Variants in FGFR2 observed in about 807,000 individuals in gnomAD.
The protein encoded by FGFR2 is fibroblast growth factor receptor 2.
In FGFR2, 19 loss-of-function variants were observed where a neutral mutation model predicts 95.9. The ratio of observed to expected loss-of-function variants is 0.20; its 90% CI spans 0.14 to 0.29. The LOEUF (loss-of-function observed/expected upper bound fraction) is 0.29. Among genes scored for constraint, FGFR2 ranks in the 10% least tolerant of loss-of-function variants. The probability of loss-of-function intolerance (pLI) is 1.00; values close to 1 mark genes in which losing one functional copy is unlikely to be tolerated. For synonymous variants in FGFR2, 392 were observed against 393.3 expected (o/e 1.00, Z 0.04); for missense variants, 707 against 1,056.9 (o/e 0.67, Z 4.59).
chr10:121,485,401 T>C lies in FGFR2; in HGVS notation c.2189A>G (p.Asn730Ser), dbSNP rs200453002. The C allele has an allele frequency of 9.3e-6, 15 of 1,614,050 alleles. No individual in the cohort carries two copies. Among genetic ancestry groups the C allele is most frequent in the Admixed American group, 3.3e-5 (2 of 60,022 alleles). Residue 730 changes from asparagine (N) to serine (S), a missense_variant, in exon 16 of 18, where the codon AAC becomes AGC. By Grantham distance (46) the Asn-to-Ser change is conservative. This residue lies in a region of FGFR2 where 104 missense variants were observed against 214.2 expected (regional missense o/e 0.49). Coordinates refer to ENST00000358487, the MANE Select transcript of FGFR2 (RefSeq NM_000141.5). The surrounding 1 kb of genome is among the most constrained non-coding windows in gnomAD (Gnocchi z 4.2). ...GAAAGACAACAGCCCTTACAGTTCG[T>C]TGGTGCAGTTGGCTGGCTTATCCAT... is the stretch of plus-strand genomic sequence containing the variant. ...HRMDKPANCTNELYMMMRDCW... is the reference protein window; with the variant it reads ...HRMDKPANCTSELYMMMRDCW...
rs1845259995 is a variant in FGFR2 at position 121,485,264 on chromosome 10, G to A, written c.2195+131C>T. ...GTATCCCAGCTCTGGATTGAGCCCA[G>A]AGAGCTTCAGCCATTCTTCTTAGAG... is the stretch of plus-strand genomic sequence containing the variant. On this transcript the variant is annotated intron_variant, in intron 16 of 17. Coordinates refer to ENST00000358487, the MANE Select transcript of FGFR2 (RefSeq NM_000141.5). This position sits in a 1 kb window ranked among gnomAD's most constrained non-coding sequence, Gnocchi z 4.2. 4.9e-6 allele frequency: 6 copies of A among 1,235,186 alleles called. No individual in the cohort carries two copies. In the South Asian group the frequency reaches 7.3e-5, roughly 15 times the overall value. 76.5% of individuals were successfully genotyped at this position (1,235,186 alleles called of 1,614,324 possible).
At chr10:121,585,018 C>G (rs1317271830) in intron 2 of FGFR2, among the ~76,000 whole-genome samples, 1 of 152,102 alleles carries the variant, frequency 6.6e-6, no homozygotes. Flanking sequence ...TGTTCTTCGC[C>G]GGGCCTAATG....
chr10:121,581,560 A>AGAAC (rs1387592144), intron 2 of FGFR2, among the ~76,000 whole-genome samples: 2 of 146,728 alleles, frequency 1.4e-5, no homozygotes, highest in Non-Finnish European at 3.0e-5. Flanking sequence ...GCAACAAGTG[A>AGAAC]GAACCCATCT....
chr10:121,524,143 CA>C (rs1211317442), intron 6 of FGFR2, among the ~76,000 whole-genome samples: 3,419 of 143,118 alleles, frequency 0.024, 85 homozygotes, highest in African/African-American at 0.064. Flanking sequence ...CACACACACA[CA>C]CACCCCAAGT....
At chr10:121,576,129 G>T (rs182786552) in intron 2 of FGFR2, among the ~76,000 whole-genome samples, 2 of 152,296 alleles carry the variant, frequency 1.3e-5, no homozygotes, top group Admixed American at 6.5e-5. Context: ...GGAGGTTGCC[G>T]TGAGCCGAGA....
chr10:121,496,696 C>T lies in FGFR2; in HGVS notation c.1699G>A (p.Ala567Thr), dbSNP rs951260912. The T allele has an allele frequency of 1.2e-5, 20 of 1,611,706 alleles. No homozygotes were observed. The highest frequency in any genetic ancestry group is 1.5e-5 in the Non-Finnish European group (18 of 1,179,878). The change falls in exon 13 of 18, where the codon GCC becomes ACC. Residue 567 changes from alanine (A) to threonine (T), a missense_variant. By Grantham distance (58) the Ala-to-Thr change is moderately conservative. Coordinates refer to ENST00000358487, the MANE Select transcript of FGFR2 (RefSeq NM_000141.5). The stretch of plus-strand genomic sequence containing the variant: ...TATTCTCGGAGGTTGCCTTTAGAGG[C>T]ATACTCAACTATGACATAGAGAGGC... ...DGPLYVIVEY[A>T]SKGNLREYLR...
At chr10:121,549,860 C>G (rs1855109988) in intron 5 of FGFR2, among the ~76,000 whole-genome samples, 1 of 152,188 alleles carries the variant, frequency 6.6e-6, no homozygotes, top group South Asian at 2.1e-4. Flanking sequence ...TGTGAGACAG[C>G]TGGAGATGGA....
Position 121,593,558 on chromosome 10 carries a change from C to G in FGFR2, c.109+151G>C. 5 of 718,724 alleles carry G rather than the reference C, an allele frequency of 7.0e-6. 1 individual carries two copies. In the South Asian group the frequency reaches 7.8e-5, roughly 11 times the overall value. 44.5% of individuals were successfully genotyped at this position (718,724 alleles called of 1,614,324 possible). ...GCGGCAAAGGACCTTCTCTCATCAG[C>G]TCTGCCTTGCCGGGAGCCAAGAGAC... On this transcript the variant is annotated intron_variant, in intron 2 of 17. Transcript: ENST00000358487.
intron 3 of FGFR2, among the ~76,000 whole-genome samples, chr10:121,564,939 C>T (rs1441911737): frequency 6.6e-6 from 1 of 152,136 alleles, no homozygotes; most frequent in Admixed American, 6.5e-5. Flanking sequence ...TATGCGGGGT[C>T]TCCTTGAAGA....
rs545823844 is a variant in FGFR2 at position 121,575,524 on chromosome 10, C to G, written c.110-9820G>C. 4.6e-5 allele frequency among the ~76,000 whole-genome samples: 7 copies of G among 152,266 alleles called. No homozygotes were observed. In the East Asian group the frequency reaches 1.2e-3, roughly 25 times the overall value. On this transcript the variant is annotated intron_variant, in intron 2 of 17. Transcript: ENST00000358487. ...TGAATCAGTACTGTGTGCATAAACT[C>G]CTAGATATGGGCAGCTTTGCTTGCA...
rs768112982 is a variant in FGFR2 at position 121,496,726 on chromosome 10, T to C, written c.1673-4A>G. 5.0e-6 allele frequency: 8 copies of C among 1,611,628 alleles called. No individual in the cohort carries two copies. The highest frequency in any genetic ancestry group is 4.0e-5 in the African/African-American group (3 of 74,748). Reference sequence around the variant, plus strand: ...TCAACTATGACATAGAGAGGCCCTGTTGAGGAAGAAGAGAAGCTCCCTAAA... The same window carrying C: ...TCAACTATGACATAGAGAGGCCCTGCTGAGGAAGAAGAGAAGCTCCCTAAA... On this transcript the variant is annotated splice_region_variant and splice_polypyrimidine_tract_variant and intron_variant, in intron 12 of 17. Transcript: ENST00000358487.
At chr10:121,571,324 G>A (rs548974483) in intron 2 of FGFR2, among the ~76,000 whole-genome samples, 3 of 87,586 alleles carry the variant, frequency 3.4e-5, no homozygotes, top group Non-Finnish European at 6.4e-5. Context: ...TTTTTGAGAC[G>A]GAGTCTCGCT....
chr10:121,534,091 CTTT>C (rs1022674124), intron 6 of FGFR2, among the ~76,000 whole-genome samples: 43 of 92,086 alleles, frequency 4.7e-4, no homozygotes, highest in South Asian at 3.0e-3. Context: ...CCCAAAATGG[CTTT>C]TTTTTTTTTT....
In FGFR2 at chr10:121,546,645, C is replaced by CT. The variant is rs974906881; in HGVS notation, c.624+4644dup. Among the ~76,000 whole-genome samples, 91 of 152,122 alleles carry CT rather than the reference C, an allele frequency of 6.0e-4. 1 individual carries two copies. Among genetic ancestry groups the CT allele is most frequent in the African/African-American group, 2.0e-3 (84 of 41,484 alleles). ...CATAATTCTCTTTGACTTTGTTTTG[C>CT]TTTTTTTGTCTTCCCTCCTCCCTTT... On this transcript the variant is annotated intron_variant, in intron 5 of 17. Transcript: ENST00000358487.
At position 121,565,613 on chromosome 10, in the gene FGFR2, G is replaced by A. The variant is rs200386134; in HGVS notation, c.201C>T (p.Ala67=). 161 of 1,614,046 alleles carry A rather than the reference G, an allele frequency of 1.0e-4. No individual in the cohort carries two copies. The highest frequency in any genetic ancestry group is 1.3e-4 in the Non-Finnish European group (153 of 1,180,042). Residue 67 remains alanine, a synonymous_variant, in exon 3 of 18, where the codon GCC becomes GCT. Transcript: ENST00000358487. The part of the protein sequence containing the change: ...SLEVRCLLKD[A]AVISWTKDGV... Reference sequence around the variant, plus strand: ...CATCCTTAGTCCAACTGATCACGGCGGCATCTTTCAACAGGCAGCGCACCT... The same window carrying A: ...CATCCTTAGTCCAACTGATCACGGCAGCATCTTTCAACAGGCAGCGCACCT...
At position 121,518,499 on chromosome 10, in the gene FGFR2, G is replaced by A. The variant is rs374983028; in HGVS notation, c.940-1036C>T. On this transcript the variant is annotated intron_variant, in intron 7 of 17. Coordinates refer to ENST00000358487, the MANE Select transcript of FGFR2 (RefSeq NM_000141.5). This position sits in a 1 kb window ranked among gnomAD's most constrained non-coding sequence, Gnocchi z 4.0. ...TTGGAGCAAGCACTTTGAACGTTGTGGGCATTTTTCCATGGCTACTGGCAT... is the reference window on the plus strand; with the variant it reads ...TTGGAGCAAGCACTTTGAACGTTGTAGGCATTTTTCCATGGCTACTGGCAT... Among the ~76,000 whole-genome samples, 2 of 152,254 alleles carry A rather than the reference G, an allele frequency of 1.3e-5. No individual in the cohort carries two copies. The highest frequency in any genetic ancestry group is 2.4e-5 in the African/African-American group (1 of 41,542).
chr10:121,554,379 C>G (rs1855821700), intron 4 of FGFR2, among the ~76,000 whole-genome samples: 1 of 150,676 alleles, frequency 6.6e-6, no homozygotes, highest in Non-Finnish European at 1.5e-5. Context: ...TGCTCTGTTG[C>G]CCAGGCTGGA....
intron 9 of FGFR2, among the ~76,000 whole-genome samples, chr10:121,505,205 C>T (rs563528767): frequency 6.6e-6 from 1 of 152,274 alleles, no homozygotes; most frequent in Non-Finnish European, 1.5e-5. Flanking sequence ...CTTTGAATCT[C>T]GCCTTTGTAA....
intron 2 of FGFR2, among the ~76,000 whole-genome samples, chr10:121,577,180 G>T (rs576474799): frequency 3.6e-3 from 188 of 52,610 alleles, no homozygotes; most frequent in South Asian, 9.5e-3. Context: ...TATATATATA[G>T]AGAGAGAGAG....
Sources: allele counts gnomAD v4.1 joint callset (sites outside exome capture counted in the v4.1 genomes callset), GRCh38; gene constraint gnomAD v4.1.1; regional missense constraint gnomAD v4.1.1; non-coding constraint Gnocchi (gnomAD v3.1); transcripts MANE v1.5; gene names NCBI Gene and HGNC (gene_info 2026-07-23, HGNC 2026-07-21).